Variants in KHDRBS2 observed in about 807,000 individuals in gnomAD.
KHDRBS2 encodes the protein KH domain-containing, RNA-binding, signal transduction-associated protein 2.
KHDRBS2 carries 26 observed loss-of-function variants against 44.3 expected under a neutral mutation model. That is an observed-to-expected ratio of 0.59 (90% CI 0.43 to 0.81). The LOEUF is 0.81. Ranked by LOEUF, KHDRBS2 falls within the 40% of genes least tolerant of loss-of-function variation. KHDRBS2 has a pLI of 0.00. For missense variants in KHDRBS2, 476 were observed against 433.1 expected (o/e 1.10, Z -0.88); for synonymous variants, 194 against 151.1 (o/e 1.28, Z -2.08).
At chr6:61,912,183 A>C (rs1806171792) in intron 4 of KHDRBS2, among the ~76,000 whole-genome samples, 1 of 152,180 alleles carries the variant, frequency 6.6e-6, no homozygotes, top group South Asian at 2.1e-4. Flanking sequence ...TAACTGAAGA[A>C]ATGAACTTGT....
chr6:61,920,678 G>A (rs1807917178), intron 4 of KHDRBS2, among the ~76,000 whole-genome samples: 1 of 151,868 alleles, frequency 6.6e-6, no homozygotes, highest in South Asian at 2.1e-4. Context: ...ATTTTTACAG[G>A]CAAATAGTTG....
intron 2 of KHDRBS2, among the ~76,000 whole-genome samples, chr6:62,169,188 CGTATACATATAT>C (rs1819461818): frequency 1.4e-5 from 2 of 141,448 alleles, no homozygotes; most frequent in African/African-American, 5.2e-5. Flanking sequence ...TGTATATATA[CGTATACATATAT>C]GTATATATAT....
At chr6:62,060,496 C>G (rs1216086169) in intron 2 of KHDRBS2, among the ~76,000 whole-genome samples, 1 of 151,508 alleles carries the variant, frequency 6.6e-6, no homozygotes, top group Non-Finnish European at 1.5e-5. Context: ...CTGGATTTGG[C>G]AATTAGGAAA....
intron 4 of KHDRBS2, among the ~76,000 whole-genome samples, chr6:61,915,824 T>C (rs1265714886): frequency 6.6e-6 from 1 of 152,048 alleles, no homozygotes; most frequent in Non-Finnish European, 1.5e-5. Flanking sequence ...CTTAGGACTT[T>C]AGTGGTAGCA....
chr6:62,005,559 A>G (rs1250209966), intron 3 of KHDRBS2, among the ~76,000 whole-genome samples: 1 of 151,842 alleles, frequency 6.6e-6, no homozygotes, highest in Non-Finnish European at 1.5e-5. Context: ...CTTACAAAAG[A>G]GAAAGGAAAG....
intron 1 of KHDRBS2, among the ~76,000 whole-genome samples, chr6:62,267,884 G>T (rs1290549465): frequency 5.3e-5 from 8 of 151,654 alleles, no homozygotes; most frequent in Non-Finnish European, 8.8e-5. Flanking sequence ...TTGCTTTAAT[G>T]ATAATAAATT....
intron 1 of KHDRBS2, among the ~76,000 whole-genome samples, chr6:62,181,989 G>C (rs1445876140): frequency 2.6e-5 from 4 of 151,922 alleles, no homozygotes; most frequent in African/African-American, 9.7e-5. Context: ...ATAAATAAAT[G>C]AGTAAGTTAA....
intron 3 of KHDRBS2, among the ~76,000 whole-genome samples, chr6:62,031,461 G>A (rs1784326967): frequency 6.6e-6 from 1 of 152,034 alleles, no homozygotes. Flanking sequence ...CCCAATTCCA[G>A]GACTTGAATC....
At position 62,138,563 on chromosome 6, in the gene KHDRBS2, G is replaced by A. The variant is rs572103464; in HGVS notation, c.219+38622C>T. On this transcript the variant is annotated intron_variant, in intron 2 of 8. Transcript: ENST00000281156. Reference sequence around the variant, plus strand: ...TTAAAAAGTGATTCTACAGCGAGTCGCTCATATTGCATTTTCACTTAATCC... The same window carrying A: ...TTAAAAAGTGATTCTACAGCGAGTCACTCATATTGCATTTTCACTTAATCC... 2.7e-4 allele frequency among the ~76,000 whole-genome samples: 41 copies of A among 152,238 alleles called. No individual in the cohort carries two copies. In the South Asian group the frequency reaches 7.0e-3, roughly 26 times the overall value.
At chr6:61,726,998 C>G (rs1378351173) in intron 7 of KHDRBS2, among the ~76,000 whole-genome samples, 1 of 152,136 alleles carries the variant, frequency 6.6e-6, no homozygotes, top group Non-Finnish European at 1.5e-5. Context: ...AAGCTGGAGA[C>G]ATCACGCTAC....
the KHDRBS2 span, among the ~76,000 whole-genome samples, chr6:61,547,942 C>T: frequency 1.3e-5 from 2 of 152,044 alleles, no homozygotes; most frequent in African/African-American, 2.4e-5. Context: ...ATCAAAGGTA[C>T]AGCATTTTAA....
intron 3 of KHDRBS2, among the ~76,000 whole-genome samples, chr6:62,002,039 C>T (rs900777879): frequency 2.0e-5 from 3 of 152,008 alleles, no homozygotes; most frequent in African/African-American, 7.2e-5. Context: ...GTGTAATGTT[C>T]CCTAATATCT....
intron 2 of KHDRBS2, among the ~76,000 whole-genome samples, chr6:62,144,332 C>A (rs1231751220): frequency 6.6e-6 from 1 of 151,920 alleles, no homozygotes; most frequent in African/African-American, 2.4e-5. Flanking sequence ...TTGCATTCAG[C>A]ATTGATAGCA....
At chr6:61,663,307 G>A in the KHDRBS2 span, among the ~76,000 whole-genome samples, 1 of 144,284 alleles carries the variant, frequency 6.9e-6, no homozygotes, top group Non-Finnish European at 1.5e-5. Flanking sequence ...GCTAAATGAT[G>A]AGTTAATGGA....
the KHDRBS2 span, among the ~76,000 whole-genome samples, chr6:61,573,076 A>C: frequency 3.9e-5 from 6 of 152,094 alleles, no homozygotes; most frequent in African/African-American, 1.4e-4. Context: ...AACCCTAAAG[A>C]CTCAGCCAAA....
intron 2 of KHDRBS2, among the ~76,000 whole-genome samples, chr6:62,116,372 C>T (rs1806225251): frequency 6.6e-6 from 1 of 152,178 alleles, no homozygotes; most frequent in Middle Eastern, 3.4e-3. Flanking sequence ...CCCTCCTACT[C>T]TTTGTTTCTG....
intron 6 of KHDRBS2, among the ~76,000 whole-genome samples, chr6:61,833,647 A>G (rs563639337): frequency 6.6e-6 from 1 of 152,260 alleles, no homozygotes; most frequent in Admixed American, 6.5e-5. Context: ...CGAGGTAGTT[A>G]GACAAGACAG....
At chr6:61,796,020 CT>C (rs1487402203) in intron 6 of KHDRBS2, among the ~76,000 whole-genome samples, 3 of 152,034 alleles carry the variant, frequency 2.0e-5, no homozygotes, top group Non-Finnish European at 4.4e-5. Context: ...AGTTTTGTCA[CT>C]TTTAACTGAG....
chr6:61,933,111 C>T (rs1562467097), intron 4 of KHDRBS2, among the ~76,000 whole-genome samples: 2 of 152,078 alleles, frequency 1.3e-5, no homozygotes, highest in Non-Finnish European at 2.9e-5. Context: ...GGGGAGGCCT[C>T]AGGAAATTTC....
Sources: gnomAD v4.1 joint callset for allele counts (sites outside exome capture counted in the v4.1 genomes callset) on GRCh38, gnomAD v4.1.1 for gene constraint, MANE v1.5 for transcripts, NCBI Gene and HGNC (gene_info 2026-07-23, HGNC 2026-07-21) for gene names.